Variants in SH3BP5L observed in about 807,000 individuals in gnomAD.
SH3BP5L encodes SH3 binding domain protein 5 like, also known as SH3 domain-binding protein 5-like.
SH3BP5L carries 16 observed loss-of-function variants against 40.9 expected under a neutral mutation model. That is an observed-to-expected ratio of 0.39 (90% CI 0.27 to 0.59). The LOEUF is 0.59. Among genes scored for constraint, SH3BP5L ranks in the 20% least tolerant of loss-of-function variants. SH3BP5L has a pLI of 0.53. For synonymous variants in SH3BP5L, 229 were observed against 226.7 expected (o/e 1.01, Z -0.09); for missense variants, 471 against 544.6 (o/e 0.86, Z 1.35).
At chr1:248,819,657 T>C (rs1664198967) in intron 2 of SH3BP5L, among the ~76,000 whole-genome samples, 1 of 147,354 alleles carries the variant, frequency 6.8e-6, no homozygotes, top group South Asian at 2.1e-4. Flanking sequence ...GGTCTGAGAT[T>C]GTGCCACTGC....
At chr1:248,818,096 C>T (rs1228397630) in intron 2 of SH3BP5L, among the ~76,000 whole-genome samples, 1 of 152,070 alleles carries the variant, frequency 6.6e-6, no homozygotes, top group Non-Finnish European at 1.5e-5. Context: ...ACCTGTAATC[C>T]CAGCACTTTG....
chr1:248,813,313 G>A, intron 5 of SH3BP5L, 151 bp from the exon 6 acceptor site: 2 of 691,122 alleles, frequency 2.9e-6, no homozygotes, highest in Non-Finnish European at 4.4e-6. Flanking sequence ...GAGACACGCA[G>A]GGGAACACGG....
chr1:248,816,506 T>C (rs1361640420), intron 4 of SH3BP5L, 28 bp downstream of exon 4: 1 of 1,613,228 alleles, frequency 6.2e-7, no homozygotes, highest in Admixed American at 1.7e-5. Flanking sequence ...GCACGTAGCC[T>C]TCCTCAAACG....
In SH3BP5L at chr1:248,813,044, A is replaced by G. The variant is rs1322450926; in HGVS notation, c.656T>C (p.Ile219Thr). ...QALQKTLRRA[I>T]GKSRPYFELK... The stretch of plus-strand genomic sequence containing the variant: ...CTCAAAGTAGGGGCGGCTCTTGCCG[A>G]TGGCCCTCCGGAGGGTCTTCTGCAG... Residue 219 changes from isoleucine (I) to threonine (T), a missense_variant, in exon 6 of 7, where the codon ATC becomes ACC. Physicochemically the swap from Ile to Thr is moderately conservative, Grantham distance 89 (BLOSUM62 -1). Around this residue, in one of 2 missense-constraint regions of SH3BP5L, gnomAD observed 275 missense variants for 370.1 expected, o/e 0.74. Transcript: ENST00000366472. 6.2e-7 allele frequency: 1 copy of G among 1,609,840 alleles called. No homozygotes were observed.
chr1:248,822,308 G>A (rs147251832), intron 2 of SH3BP5L, among the ~76,000 whole-genome samples: 355 of 152,278 alleles, frequency 2.3e-3, no homozygotes, highest in African/African-American at 7.1e-3. Flanking sequence ...GGCCTCCTCC[G>A]TGAAGGGTGC....
In SH3BP5L at chr1:248,824,883, A is replaced by T. The variant is rs1209810742; in HGVS notation, c.53T>A (p.Leu18Gln). 6 of 1,613,900 alleles carry T rather than the reference A, an allele frequency of 3.7e-6. No homozygotes were observed. Among genetic ancestry groups the T allele is most frequent in the Non-Finnish European group, 5.1e-6 (6 of 1,179,974 alleles). ...PGGRETPQGE[L>Q]RPEVVEDEVP... Reference sequence around the variant, plus strand: ...TTCATCCTCTACAACTTCAGGCCGCAGCTCCCCCTGTGGGGTCTCCCGCCC... The same window carrying T: ...TTCATCCTCTACAACTTCAGGCCGCTGCTCCCCCTGTGGGGTCTCCCGCCC... The change falls in exon 2 of 7, where the codon CTG becomes CAG. Residue 18 changes from leucine (L) to glutamine (Q), a missense_variant. Around this residue, in one of 2 missense-constraint regions of SH3BP5L, gnomAD observed 275 missense variants for 370.1 expected, o/e 0.74. Coordinates refer to ENST00000366472, the MANE Select transcript of SH3BP5L (RefSeq NM_030645.3).
chr1:248,824,714 T>G, intron 2 of SH3BP5L, 39 bp downstream of exon 2: 5 of 1,604,708 alleles, frequency 3.1e-6, no homozygotes, highest in Non-Finnish European at 4.3e-6. Flanking sequence ...GAGGCTGGAA[T>G]CTGGGCTCTC....
intron 2 of SH3BP5L, among the ~76,000 whole-genome samples, chr1:248,820,017 AAAT>A (rs1158656630): frequency 6.6e-6 from 1 of 152,234 alleles, no homozygotes. Context: ...GATCAACATA[AAAT>A]AATATTATTA....
intron 5 of SH3BP5L, chr1:248,814,169 C>G: frequency 2.1e-6 from 1 of 480,788 alleles, no homozygotes; most frequent in Non-Finnish European, 3.7e-6. Flanking sequence ...ATGTTGAATC[C>G]TCAGTATCCA....
Position 248,821,494 on chromosome 1 carries a change from T to A in SH3BP5L, c.183+3259A>T, listed in dbSNP as rs1230893550. Among the ~76,000 whole-genome samples, 1 of 152,100 alleles carries A rather than the reference T, an allele frequency of 6.6e-6. No homozygotes were observed. Among genetic ancestry groups the A allele is most frequent in the Non-Finnish European group, 1.5e-5 (1 of 68,000 alleles). The stretch of plus-strand genomic sequence containing the variant: ...ACTGGGGCCAGGGTGATGACTGTCC[T>A]GTGAAAGCTAAACCCATACTTCTAG... On this transcript the variant is annotated intron_variant, in intron 2 of 6. Coordinates refer to ENST00000366472, the MANE Select transcript of SH3BP5L (RefSeq NM_030645.3). The surrounding 1 kb of genome is among the most constrained non-coding windows in gnomAD (Gnocchi z 4.6).
chr1:248,814,505 C>G lies in SH3BP5L; in HGVS notation c.481G>C (p.Asp161His), dbSNP rs774278916. 5 of 1,614,234 alleles carry G rather than the reference C, an allele frequency of 3.1e-6. No homozygotes were observed. Among genetic ancestry groups the G allele is most frequent in the Middle Eastern group, 1.7e-4 (1 of 6,058 alleles). The change falls in exon 5 of 7, where the codon GAC (aspartate) becomes CAC (histidine). Residue 161 changes from aspartate (D) to histidine (H), a missense_variant. Transcript: ENST00000366472. ...VFVAEQGVMA[D>H]KNRLDPTWQE... is the part of the protein sequence containing the mutation. ...CACGTGGGGTCCAGTCGGTTCTTGT[C>G]AGCCATGACGCCCTGCTCAGCCACA...
Position 248,816,528 on chromosome 1 carries a change from C to A in SH3BP5L, c.375+6G>T. The stretch of plus-strand genomic sequence containing the variant: ...GCCTTCCTCAAACGTGGTCAGCCAG[C>A]CATACCTCCTTAGCCAGCCGCCGAG... On this transcript the variant is annotated splice_donor_region_variant and intron_variant, in intron 4 of 6. Transcript: ENST00000366472. The A allele has an allele frequency of 1.2e-6, 2 of 1,613,924 alleles. No individual in the cohort carries two copies. The highest frequency in any genetic ancestry group is 1.7e-6 in the Non-Finnish European group (2 of 1,179,990).
intron 2 of SH3BP5L, chr1:248,820,715 G>C (rs1427729996): frequency 6.6e-6 from 1 of 152,182 alleles, no homozygotes; most frequent in Non-Finnish European, 1.5e-5. Flanking sequence ...GTAGGAAAAG[G>C]ACAGGGATTG....
rs114827663 is a variant in SH3BP5L, at chr1:248,811,664, G to A, written c.*236C>T. On this transcript the variant is annotated 3_prime_UTR_variant, in exon 7 of 7. Transcript: ENST00000366472. Reference sequence around the variant, plus strand: ...GGCAGGCAGAGGCAGACAGAGCGCCGAGGGCGAGCCTTCTGAATGGGTAAG... The same window carrying A: ...GGCAGGCAGAGGCAGACAGAGCGCCAAGGGCGAGCCTTCTGAATGGGTAAG... 2.7e-3 allele frequency: 1,366 copies of A among 500,738 alleles called. 13 individuals are homozygous for A. The highest frequency in any genetic ancestry group is 0.024 in the African/African-American group (1,211 of 50,254). 31.0% of individuals were successfully genotyped at this position (500,738 alleles called of 1,614,324 possible).
chr1:248,811,577 TGGAA>T lies in SH3BP5L; in HGVS notation c.*319_*322del, dbSNP rs1451501050. ...TCCCTGAGGGAAAAAGCCAAACAGA[TGGAA>T]AGAGAGGGAGCAGAAAGGGAAAGCA... On this transcript the variant is annotated 3_prime_UTR_variant, in exon 7 of 7. Transcript: ENST00000366472. The T allele has an allele frequency of 3.3e-5, 11 of 332,150 alleles. No individual in the cohort carries two copies. Among genetic ancestry groups the T allele is most frequent in the African/African-American group, 1.9e-4 (9 of 46,660 alleles). 20.6% of individuals were successfully genotyped at this position (332,150 alleles called of 1,614,324 possible).
Position 248,824,890 on chromosome 1 carries a change from C to G in SH3BP5L, c.46G>C (p.Gly16Arg), listed in dbSNP as rs1454640798. The stretch of plus-strand genomic sequence containing the variant: ...TCTACAACTTCAGGCCGCAGCTCCC[C>G]CTGTGGGGTCTCCCGCCCTCCTGGA... ...QVPGGRETPQ[G>R]ELRPEVVEDE... Residue 16 changes from glycine (G) to arginine (R), a missense_variant, in exon 2 of 7, where the codon GGG (glycine) becomes CGG (arginine). Around this residue, in one of 2 missense-constraint regions of SH3BP5L, gnomAD observed 275 missense variants for 370.1 expected, o/e 0.74. Transcript: ENST00000366472. 3 of 1,613,960 alleles carry G rather than the reference C, an allele frequency of 1.9e-6. No individual in the cohort carries two copies. The highest frequency in any genetic ancestry group is 1.3e-5 in the African/African-American group (1 of 74,936).
rs1215846290 is a variant in SH3BP5L at position 248,816,602 on chromosome 1, C to G, written c.307G>C (p.Gly103Arg). ...QESARKLNTQ[G>R]SHLGSCIEKA... ...TCGATGCAGCTCCCCAAGTGGGAAC[C>G]CTGTGTATTCAGTTTCCTCGCCGAC... The change falls in exon 4 of 7, where the codon GGT becomes CGT. Residue 103 changes from glycine to arginine, a missense_variant. Physicochemically the swap from Gly to Arg is moderately radical, Grantham distance 125. Transcript: ENST00000366472. 6.2e-7 allele frequency: 1 copy of G among 1,614,180 alleles called. No homozygotes were observed. Among genetic ancestry groups the G allele is most frequent in the South Asian group, 1.1e-5 (1 of 91,084 alleles).
chr1:248,817,081 C>T (rs751084616), intron 2 of SH3BP5L, 197 bp from the exon 3 acceptor site: 53 of 1,521,254 alleles, frequency 3.5e-5, no homozygotes, highest in Middle Eastern at 1.7e-4. Flanking sequence ...TACAATCTCA[C>T]GTAATCCTCA....
chr1:248,814,223 C>T (rs1011115565), intron 5 of SH3BP5L: 6 of 577,414 alleles, frequency 1.0e-5, no homozygotes, highest in African/African-American at 1.9e-5. Context: ...TGGAGGCAAA[C>T]GTTCAAGAAG....
Sources: allele counts gnomAD v4.1 joint callset (sites outside exome capture counted in the v4.1 genomes callset), GRCh38; gene constraint gnomAD v4.1.1; regional missense constraint gnomAD v4.1.1; non-coding constraint Gnocchi (gnomAD v3.1); transcripts MANE v1.5; gene names NCBI Gene and HGNC (gene_info 2026-07-23, HGNC 2026-07-21).